MAGI2: variants seen among roughly 807,000 people sequenced by gnomAD.
MAGI2 encodes membrane-associated guanylate kinase, WW and PDZ domain-containing protein 2.
MAGI2 carries 35 observed loss-of-function variants against 133.3 expected under a neutral mutation model. The observed-to-expected ratio is 0.26, with a 90% CI of 0.20 to 0.35. The LOEUF is 0.35. Among genes scored for constraint, MAGI2 ranks in the 10% least tolerant of loss-of-function variants. The pLI, the probability that MAGI2 is intolerant of heterozygous loss-of-function variation, is 1.00. For synonymous variants in MAGI2, 729 were observed against 710.6 expected (o/e 1.03, Z -0.41); for missense variants, 1,636 against 1,863.4 (o/e 0.88, Z 2.25).
intron 6 of MAGI2, among the ~76,000 whole-genome samples, chr7:78,401,748 G>A (rs895873931): frequency 2.0e-4 from 30 of 152,152 alleles, no homozygotes; most frequent in African/African-American, 6.5e-4. Flanking sequence ...AAATTTTATA[G>A]AATTTAAGAT....
intron 1 of MAGI2, among the ~76,000 whole-genome samples, chr7:79,270,927 T>G (rs1395593901): frequency 2.0e-5 from 3 of 152,132 alleles, no homozygotes; most frequent in South Asian, 4.1e-4. Context: ...AAACTGCTCT[T>G]CCTTAGTTTG....
chr7:78,861,864 T>C (rs1396975558), intron 2 of MAGI2, among the ~76,000 whole-genome samples: 1 of 152,238 alleles, frequency 6.6e-6, no homozygotes, highest in East Asian at 1.9e-4. Flanking sequence ...GAATCAACTT[T>C]CTATTTTATT....
At chr7:78,417,883 C>G (rs1798444702) in intron 6 of MAGI2, among the ~76,000 whole-genome samples, 1 of 152,074 alleles carries the variant, frequency 6.6e-6, no homozygotes, top group Non-Finnish European at 1.5e-5. Context: ...GGATGTGTCC[C>G]CATTGATGGC....
At chr7:78,173,934 C>T (rs553514703) in intron 14 of MAGI2, among the ~76,000 whole-genome samples, 10 of 152,090 alleles carry the variant, frequency 6.6e-5, no homozygotes, top group Admixed American at 4.6e-4. Context: ...GATGAAAATC[C>T]GTTTTTCAAA....
chr7:78,762,379 G>T (rs922939659), intron 2 of MAGI2, among the ~76,000 whole-genome samples: 2 of 151,972 alleles, frequency 1.3e-5, no homozygotes, highest in Non-Finnish European at 2.9e-5. Flanking sequence ...GGAGGCGGAG[G>T]TTGCAGTGAG....
chr7:78,963,148 A>G (rs1026425689), intron 2 of MAGI2, among the ~76,000 whole-genome samples: 2 of 152,096 alleles, frequency 1.3e-5, no homozygotes, highest in African/African-American at 2.4e-5. Context: ...ACATGGCCAC[A>G]CTTACTAGTT....
At chr7:79,178,159 G>A (rs552651444) in intron 1 of MAGI2, among the ~76,000 whole-genome samples, 276 of 151,570 alleles carry the variant, frequency 1.8e-3, no homozygotes, top group African/African-American at 5.2e-3. Context: ...CTTTCTTGTC[G>A]CTGTACTTCC....
intron 2 of MAGI2, among the ~76,000 whole-genome samples, chr7:78,940,137 T>A (rs1800854412): frequency 6.6e-6 from 1 of 152,196 alleles, no homozygotes; most frequent in Admixed American, 6.5e-5. Flanking sequence ...AACATTGTAT[T>A]ATAATAATAA....
chr7:78,930,414 T>A (rs1275204618), intron 2 of MAGI2, among the ~76,000 whole-genome samples: 1 of 152,096 alleles, frequency 6.6e-6, no homozygotes, highest in Non-Finnish European at 1.5e-5. Context: ...ACAGAAATAA[T>A]GTTAGTGAGA....
intron 1 of MAGI2, among the ~76,000 whole-genome samples, chr7:79,031,248 T>C (rs1228358129): frequency 6.6e-6 from 1 of 152,182 alleles, no homozygotes; most frequent in Non-Finnish European, 1.5e-5. Context: ...TTGTACTCAT[T>C]TACATGGCAT....
chr7:79,340,693 C>T (rs778943552), intron 1 of MAGI2, among the ~76,000 whole-genome samples: 2 of 151,940 alleles, frequency 1.3e-5, no homozygotes, highest in Non-Finnish European at 2.9e-5. Context: ...AGCTTTTGTG[C>T]ACAAATTTCC....
intron 2 of MAGI2, among the ~76,000 whole-genome samples, chr7:78,668,909 G>A (rs145589759): frequency 0.05 from 7,580 of 151,790 alleles, 280 homozygotes; most frequent in East Asian, 0.15. Flanking sequence ...TCTCTGGGAC[G>A]CATTCAAAGC....
At chr7:79,003,907 T>C (rs576535394) in intron 2 of MAGI2, among the ~76,000 whole-genome samples, 1 of 152,260 alleles carries the variant, frequency 6.6e-6, no homozygotes, top group South Asian at 2.1e-4. Flanking sequence ...TGAGATATCA[T>C]CTTACTCCAG....
chr7:78,757,814 C>T (rs1297556531), intron 2 of MAGI2, among the ~76,000 whole-genome samples: 1 of 152,184 alleles, frequency 6.6e-6, no homozygotes, highest in Non-Finnish European at 1.5e-5. Context: ...TCTCTCCACA[C>T]TCAGTCCTTA....
chr7:78,271,921 G>C (rs1794618906), intron 9 of MAGI2, among the ~76,000 whole-genome samples: 1 of 151,786 alleles, frequency 6.6e-6, no homozygotes, highest in East Asian at 1.9e-4. Flanking sequence ...ATTTTTTAAG[G>C]GTTTTTTGTG....
At chr7:79,433,771 T>C (rs940524411) in intron 1 of MAGI2, among the ~76,000 whole-genome samples, 4 of 152,036 alleles carry the variant, frequency 2.6e-5, no homozygotes, top group Admixed American at 2.6e-4. Flanking sequence ...AAGTTCAGCA[T>C]TAAAAAATGC....
chr7:79,366,555 G>T (rs536972523), intron 1 of MAGI2, among the ~76,000 whole-genome samples: 1 of 152,180 alleles, frequency 6.6e-6, no homozygotes, highest in East Asian at 1.9e-4. Flanking sequence ...TCACATAAAT[G>T]ATTCCAAATA....
intron 9 of MAGI2, among the ~76,000 whole-genome samples, chr7:78,273,019 C>T (rs1396819581): frequency 1.3e-5 from 2 of 152,148 alleles, no homozygotes; most frequent in East Asian, 1.9e-4. Context: ...TTTGTTGATG[C>T]AGTTTCTTCA....
At position 78,448,211 on chromosome 7, in the gene MAGI2, T is replaced by C. The variant is rs114596185; in HGVS notation, c.1045+41550A>G. ...GATTCCATTATCTCCATATCTTACC[T>C]ACTGTGAAGAGTGCTGCAGCGAACA... On this transcript the variant is annotated intron_variant, in intron 6 of 21. Coordinates refer to ENST00000354212, the MANE Select transcript of MAGI2 (RefSeq NM_012301.4). Among the ~76,000 whole-genome samples the C allele has an allele frequency of 5.0e-3, 767 of 152,192 alleles. 6 individuals carry two copies. The highest frequency in any genetic ancestry group is 0.016 in the African/African-American group (666 of 41,550).
Sources: allele counts gnomAD v4.1 joint callset (sites outside exome capture counted in the v4.1 genomes callset), GRCh38; gene constraint gnomAD v4.1.1; transcripts MANE v1.5; gene names NCBI Gene and HGNC (gene_info 2026-07-23, HGNC 2026-07-21).